Variants in SGCZ observed in about 807,000 individuals in gnomAD.
SGCZ encodes the protein sarcoglycan zeta, also known as zeta-sarcoglycan.
SGCZ carries 40 observed loss-of-function variants against 41.3 expected under a neutral mutation model. That is an observed-to-expected ratio of 0.97 (90% CI 0.75 to 1.26). The LOEUF (loss-of-function observed/expected upper bound fraction) is 1.26. Among genes scored for constraint, SGCZ ranks in the 50% most tolerant of loss-of-function variants. The pLI is 0.00. For synonymous variants in SGCZ, 206 were observed against 137.5 expected, an observed-to-expected ratio of 1.50 and a Z score of -3.49; for missense variants, 552 against 369.8, an observed-to-expected ratio of 1.49 and a Z score of -4.04.
chr8:14,215,410 C>G (rs530940303), intron 4 of SGCZ, among the ~76,000 whole-genome samples: 5 of 151,422 alleles, frequency 3.3e-5, no homozygotes, highest in Admixed American at 6.6e-5. Flanking sequence ...CTTGCCCTAG[C>G]AAAGAGGAGA....
At chr8:14,268,008 A>T (rs1799933200) in intron 3 of SGCZ, among the ~76,000 whole-genome samples, 1 of 151,614 alleles carries the variant, frequency 6.6e-6, no homozygotes, top group Non-Finnish European at 1.5e-5. Context: ...GTACTTATAT[A>T]TTTATATAAA....
intron 1 of SGCZ, among the ~76,000 whole-genome samples, chr8:15,071,884 T>C (rs1249545577): frequency 6.6e-6 from 1 of 152,148 alleles, no homozygotes; most frequent in Non-Finnish European, 1.5e-5. Context: ...CCATCTCATC[T>C]GGGCCTCCCA....
intron 1 of SGCZ, among the ~76,000 whole-genome samples, chr8:14,624,765 T>C (rs923681054): frequency 6.6e-6 from 1 of 151,474 alleles, no homozygotes; most frequent in African/African-American, 2.4e-5. Flanking sequence ...GAGACGGGGT[T>C]TCACCATGTT....
chr8:14,225,566 G>C (rs1034662136), intron 4 of SGCZ, among the ~76,000 whole-genome samples: 1 of 152,052 alleles, frequency 6.6e-6, no homozygotes, highest in Non-Finnish European at 1.5e-5. Context: ...GGTTCATTGG[G>C]TTTTATGCTA....
intron 2 of SGCZ, among the ~76,000 whole-genome samples, chr8:14,464,482 T>C (rs1048524048): frequency 1.5e-5 from 2 of 134,262 alleles, no homozygotes; most frequent in Non-Finnish European, 3.2e-5. Flanking sequence ...GAAATTTGAG[T>C]GGTATTTTTT....
intron 4 of SGCZ, among the ~76,000 whole-genome samples, chr8:14,226,763 G>C (rs1806386955): frequency 6.6e-6 from 1 of 152,068 alleles, no homozygotes; most frequent in Non-Finnish European, 1.5e-5. Context: ...TGTTTAACTT[G>C]ATAGGAACAG....
intron 1 of SGCZ, among the ~76,000 whole-genome samples, chr8:14,841,601 G>A (rs74494894): frequency 0.083 from 12,561 of 152,062 alleles, 564 homozygotes; most frequent in Admixed American, 0.12. Flanking sequence ...AATTTATTTC[G>A]GCGTTAAACT....
chr8:14,785,074 A>C (rs1461624933), intron 1 of SGCZ, among the ~76,000 whole-genome samples: 1 of 149,604 alleles, frequency 6.7e-6, no homozygotes, highest in East Asian at 1.9e-4. Flanking sequence ...TGACAAAAAG[A>C]AAATTAGTAA....
At chr8:14,466,918 T>C (rs2116967733) in intron 2 of SGCZ, among the ~76,000 whole-genome samples, 1 of 152,026 alleles carries the variant, frequency 6.6e-6, no homozygotes, top group East Asian at 1.9e-4. Flanking sequence ...TGTATTAAAA[T>C]CTTTGTCTCG....
intron 1 of SGCZ, among the ~76,000 whole-genome samples, chr8:15,045,452 A>G (rs373486102): frequency 8.9e-4 from 135 of 152,212 alleles, no homozygotes; most frequent in African/African-American, 3.1e-3. Flanking sequence ...GAGTTAAAAC[A>G]TGTTTGTATA....
Position 14,121,028 on chromosome 8 carries a change from A to G in SGCZ, c.548-12793T>C, listed in dbSNP as rs115568375. On this transcript the variant is annotated intron_variant, in intron 5 of 7. Coordinates refer to ENST00000382080, the MANE Select transcript of SGCZ (RefSeq NM_139167.4). ...AGATTTTCCTGTCCAGATAACAAGTATTATTATAAAATTCTAATTTTACTA... is the reference window on the plus strand; with the variant it reads ...AGATTTTCCTGTCCAGATAACAAGTGTTATTATAAAATTCTAATTTTACTA... Among the ~76,000 whole-genome samples the G allele has an allele frequency of 4.2e-3, 636 of 152,218 alleles. 6 individuals are homozygous for G. Among genetic ancestry groups the G allele is most frequent in the African/African-American group, 0.015 (616 of 41,564 alleles).
chr8:15,100,246 T>G (rs1428530987), intron 1 of SGCZ, among the ~76,000 whole-genome samples: 1 of 150,852 alleles, frequency 6.6e-6, no homozygotes, highest in African/African-American at 2.5e-5. Context: ...TAAGTAATTA[T>G]AGCAAGGTTG....
chr8:14,091,571 A>G (rs575051624), intron 7 of SGCZ, among the ~76,000 whole-genome samples: 86 of 152,208 alleles, frequency 5.7e-4, no homozygotes, highest in African/African-American at 2.0e-3. Context: ...TTCTCTAATG[A>G]CCAGTGATGA....
chr8:14,157,055 T>C (rs1803896832), intron 5 of SGCZ, among the ~76,000 whole-genome samples: 1 of 152,094 alleles, frequency 6.6e-6, no homozygotes, highest in South Asian at 2.1e-4. Context: ...TGCATAACTG[T>C]ATGTGCTATA....
At chr8:15,178,981 A>T (rs558582671) in intron 1 of SGCZ, among the ~76,000 whole-genome samples, 1 of 152,228 alleles carries the variant, frequency 6.6e-6, no homozygotes, top group Non-Finnish European at 1.5e-5. Context: ...TTGTCTTGGC[A>T]TTTGGACACA....
chr8:15,213,254 A>G (rs1801295145), intron 1 of SGCZ, among the ~76,000 whole-genome samples: 1 of 151,896 alleles, frequency 6.6e-6, no homozygotes, highest in Admixed American at 6.6e-5. Flanking sequence ...GAGTAATCCT[A>G]CCCCTCAAAT....
At chr8:14,659,436 C>A (rs1280719047) in intron 1 of SGCZ, among the ~76,000 whole-genome samples, 2 of 152,054 alleles carry the variant, frequency 1.3e-5, no homozygotes, top group African/African-American at 4.8e-5. Flanking sequence ...CTATCCTTTT[C>A]TCAAATTTTT....
intron 5 of SGCZ, among the ~76,000 whole-genome samples, chr8:14,127,720 T>C (rs958274688): frequency 6.6e-6 from 1 of 152,158 alleles, no homozygotes; most frequent in African/African-American, 2.4e-5. Context: ...CCTCCCAAAG[T>C]GCTGGGATTA....
At chr8:14,417,421 T>A (rs1393292539) in intron 2 of SGCZ, among the ~76,000 whole-genome samples, 1 of 151,860 alleles carries the variant, frequency 6.6e-6, no homozygotes, top group Non-Finnish European at 1.5e-5. Context: ...CACCTAAGAT[T>A]ATTTTTTCAC....
Sources: allele counts gnomAD v4.1 joint callset (sites outside exome capture counted in the v4.1 genomes callset), GRCh38; gene constraint gnomAD v4.1.1; transcripts MANE v1.5; gene names NCBI Gene and HGNC (gene_info 2026-07-23, HGNC 2026-07-21).